INHBC: variants seen among roughly 807,000 people sequenced by gnomAD.
INHBC encodes inhibin subunit beta C, also known as inhibin beta C chain.
INHBC carries 10 observed loss-of-function variants against 12.4 expected under a neutral mutation model. That is an observed-to-expected ratio of 0.81 (90% CI 0.50 to 1.37). INHBC has a LOEUF of 1.37. INHBC is among the 40% of genes most tolerant of loss of function. The pLI, the probability that INHBC is intolerant of heterozygous loss-of-function variation, is 0.00. For synonymous variants in INHBC, 147 were observed against 171.6 expected, an observed-to-expected ratio of 0.86 and a Z score of 1.12; for missense variants, 382 against 439.4, an observed-to-expected ratio of 0.87 and a Z score of 1.17.
chr12:57,450,774 C>CTACACTA lies in INHBC; in HGVS notation c.*753_*759dup, dbSNP rs1343482841. ...GTGTAACTGTGGCTATTCTGTGTCC[C>CTACACTA]TACACTACCTGGCTACCCCCTTCCA... On this transcript the variant is annotated 3_prime_UTR_variant, in exon 2 of 2. Coordinates refer to ENST00000309668, the MANE Select transcript of INHBC (RefSeq NM_005538.4). The CTACACTA allele has an allele frequency of 6.6e-6, 1 of 152,484 alleles. No homozygotes were observed. Among genetic ancestry groups the CTACACTA allele is most frequent in the African/African-American group, 2.4e-5 (1 of 41,386 alleles). 9.4% of individuals were successfully genotyped at this position (152,484 alleles called of 1,614,324 possible). A position where few individuals can be genotyped will look rare whatever the true frequency, so the allele number is the denominator to read the frequency against.
At chr12:57,442,403 G>A (rs932285339) in intron 1 of INHBC, among the ~76,000 whole-genome samples, 16 of 152,202 alleles carry the variant, frequency 1.1e-4, no homozygotes, top group Non-Finnish European at 2.4e-4. Flanking sequence ...TGCCATAACT[G>A]GAGTGACTTA....
chr12:57,438,829 C>A (rs549168379), intron 1 of INHBC, among the ~76,000 whole-genome samples: 33 of 152,300 alleles, frequency 2.2e-4, no homozygotes, highest in African/African-American at 7.7e-4. Flanking sequence ...AATTTCATCC[C>A]TTTATGGCAT....
intron 1 of INHBC, among the ~76,000 whole-genome samples, chr12:57,442,989 C>T (rs1449216301): frequency 9.5e-5 from 13 of 137,184 alleles, no homozygotes; most frequent in Non-Finnish European, 1.7e-4. Flanking sequence ...GAGACTCCGT[C>T]TCAAAAAAAA....
At chr12:57,436,719 T>A (rs1209999623) in intron 1 of INHBC, among the ~76,000 whole-genome samples, 1 of 151,742 alleles carries the variant, frequency 6.6e-6, no homozygotes, top group African/African-American at 2.4e-5. Context: ...CAGGCTGGAG[T>A]GCAGTGGCGC....
At chr12:57,436,305 C>CA (rs1870335890) in intron 1 of INHBC, among the ~76,000 whole-genome samples, 1 of 151,024 alleles carries the variant, frequency 6.6e-6, no homozygotes, top group Non-Finnish European at 1.5e-5. Context: ...GCTGGGACTA[C>CA]AGGCGTGTGT....
intron 1 of INHBC, among the ~76,000 whole-genome samples, chr12:57,438,698 G>T (rs1870399739): frequency 6.6e-6 from 1 of 152,198 alleles, no homozygotes; most frequent in African/African-American, 2.4e-5. Flanking sequence ...AAAGCCATGA[G>T]GTAGTGTTTA....
At chr12:57,442,224 C>T (rs1307452619) in intron 1 of INHBC, among the ~76,000 whole-genome samples, 1 of 152,194 alleles carries the variant, frequency 6.6e-6, no homozygotes, top group Admixed American at 6.5e-5. Flanking sequence ...TGTAAGTACT[C>T]AATAAACACC....
chr12:57,440,599 G>A lies in INHBC; in HGVS notation c.313+5400G>A, dbSNP rs150561939. On this transcript the variant is annotated intron_variant, in intron 1 of 1. Transcript: ENST00000309668. ...GCCCGCCTCAGCCTCCCAAAGTGCT[G>A]GGATTACAGGTGTTAGCCACCGCAC... 1.1e-3 allele frequency among the ~76,000 whole-genome samples: 167 copies of A among 152,094 alleles called. 1 individual carries two copies. The highest frequency in any genetic ancestry group is 3.9e-3 in the African/African-American group (160 of 41,488).
In INHBC at chr12:57,451,956, A is replaced by G. The variant is rs892965772; in HGVS notation, c.*1934A>G. The G allele has an allele frequency of 1.2e-5, 5 of 415,312 alleles. No homozygotes were observed. Among genetic ancestry groups the G allele is most frequent in the Admixed American group, 3.0e-5 (1 of 32,994 alleles). 25.7% of individuals were successfully genotyped at this position (415,312 alleles called of 1,614,324 possible). A position where few individuals can be genotyped will look rare whatever the true frequency, so the allele number is the denominator to read the frequency against. On this transcript the variant is annotated 3_prime_UTR_variant, in exon 2 of 2. Coordinates refer to ENST00000309668, the MANE Select transcript of INHBC (RefSeq NM_005538.4). ...TTAAGGGGGTGGTGAACAATTTATT[A>G]ATCAAGATAGGACTTTAATGCAATA...
intron 1 of INHBC, among the ~76,000 whole-genome samples, chr12:57,441,058 CAAA>C (rs541011527): frequency 1.3e-5 from 2 of 151,978 alleles, no homozygotes; most frequent in African/African-American, 4.8e-5. Flanking sequence ...AACAAACAAA[CAAA>C]CAAAACAAAA....
At position 57,440,332 on chromosome 12, in the gene INHBC, C is replaced by CTTTTTT. The variant is rs34888207; in HGVS notation, c.313+5147_313+5152dup. Among the ~76,000 whole-genome samples the CTTTTTT allele has an allele frequency of 1.4e-4, 16 of 117,440 alleles. 1 individual carries two copies. The highest frequency in any genetic ancestry group is 2.2e-4 in the Non-Finnish European group (13 of 58,934). The allele number at this position is 117,440 out of a possible 152,430, so 77.0% of individuals were successfully genotyped here. On this transcript the variant is annotated intron_variant, in intron 1 of 1. Coordinates refer to ENST00000309668, the MANE Select transcript of INHBC (RefSeq NM_005538.4). ...ATTCTGTTTGAAAATTGAACAGTGCCTTTTTTTTTTTTTTTTTTTGAGACG... is the reference window on the plus strand; with the variant it reads ...ATTCTGTTTGAAAATTGAACAGTGCCTTTTTTTTTTTTTTTTTTTTTTTTTGAGACG...
In INHBC at chr12:57,451,699, C is replaced by T. The variant is rs1459012468; in HGVS notation, c.*1677C>T. The T allele has an allele frequency of 2.8e-6, 1 of 351,250 alleles. No homozygotes were observed. The highest frequency in any genetic ancestry group is 8.0e-5 in the East Asian group (1 of 12,522). The allele number at this position is 351,250 out of a possible 1,614,324, so 21.8% of individuals were successfully genotyped here. ...CCTAGAGGAGAAAGTCTGAAAAGGA[C>T]TGCCTGGGGGACTGTAAATCTGAGC... On this transcript the variant is annotated 3_prime_UTR_variant, in exon 2 of 2. Coordinates refer to ENST00000309668, the MANE Select transcript of INHBC (RefSeq NM_005538.4).
At chr12:57,449,253 G>T in intron 1 of INHBC, 24 bp from the exon 2 acceptor site, 1 of 1,592,134 alleles carries the variant, frequency 6.3e-7, no homozygotes, top group South Asian at 1.1e-5. Flanking sequence ...AGGCCGCAAT[G>T]ACTGGGGCTT....
At chr12:57,439,902 CA>C (rs1440923851) in intron 1 of INHBC, among the ~76,000 whole-genome samples, 1 of 152,026 alleles carries the variant, frequency 6.6e-6, no homozygotes, top group Non-Finnish European at 1.5e-5. Flanking sequence ...TGGCTATTTG[CA>C]GCCTCAATAA....
chr12:57,450,092 G>C lies in INHBC; in HGVS notation c.*70G>C. The C allele has an allele frequency of 7.0e-7, 1 of 1,430,430 alleles. No individual in the cohort carries two copies. The highest frequency in any genetic ancestry group is 1.4e-5 in the African/African-American group (1 of 70,386). The allele number at this position is 1,430,430 out of a possible 1,614,324, so 88.6% of individuals were successfully genotyped here. ...CCCCTACAGAAGTGCACTTCCTTGAGAGGAGGGAATGACCTCATTCTCTGT... is the reference window on the plus strand; with the variant it reads ...CCCCTACAGAAGTGCACTTCCTTGACAGGAGGGAATGACCTCATTCTCTGT... On this transcript the variant is annotated 3_prime_UTR_variant, in exon 2 of 2. Transcript: ENST00000309668.
At position 57,447,767 on chromosome 12, in the gene INHBC, CAGG is replaced by C. The variant is rs1870611237; in HGVS notation, c.314-1507_314-1505del. On this transcript the variant is annotated intron_variant, in intron 1 of 1. Transcript: ENST00000309668. Reference sequence around the variant, plus strand: ...GGTGCAGCTACTTGGGAGGCTGAGGCAGGAGAATTGCTTGAACCCGAGAGGCAG... The same window carrying C: ...GGTGCAGCTACTTGGGAGGCTGAGGCAGAATTGCTTGAACCCGAGAGGCAG... Among the ~76,000 whole-genome samples the C allele has an allele frequency of 3.0e-5, 4 of 135,340 alleles. No individual in the cohort carries two copies. The East Asian group carries it at 9.4e-4, about 32-fold the overall frequency. The allele number at this position is 135,340 out of a possible 152,430, so 88.8% of individuals were successfully genotyped here.
Position 57,451,775 on chromosome 12 carries a change from G to A in INHBC, c.*1753G>A. The A allele has an allele frequency of 2.2e-6, 1 of 446,828 alleles. No individual in the cohort carries two copies. Among genetic ancestry groups the A allele is most frequent in the South Asian group, 1.6e-5 (1 of 63,258 alleles). The allele number at this position is 446,828 out of a possible 1,614,324, so 27.7% of individuals were successfully genotyped here. On this transcript the variant is annotated 3_prime_UTR_variant, in exon 2 of 2. Transcript: ENST00000309668. ...GAAGTTATCCCACCTTTGACTTGAG[G>A]AGACCTTCATCTAAGGAGAATCTAA...
intron 1 of INHBC, among the ~76,000 whole-genome samples, chr12:57,440,242 A>G (rs1295233710): frequency 1.3e-5 from 2 of 152,102 alleles, no homozygotes; most frequent in African/African-American, 2.4e-5. Context: ...CTGAAAAATT[A>G]GCAACATAGA....
At chr12:57,446,696 G>A (rs1312702740) in intron 1 of INHBC, among the ~76,000 whole-genome samples, 1 of 151,830 alleles carries the variant, frequency 6.6e-6, no homozygotes, top group African/African-American at 2.4e-5. Flanking sequence ...GTTTTGCCAA[G>A]TTGTCCAGGC....
Sources: allele counts gnomAD v4.1 joint callset (sites outside exome capture counted in the v4.1 genomes callset), GRCh38; gene constraint gnomAD v4.1.1; transcripts MANE v1.5; gene names NCBI Gene and HGNC (gene_info 2026-07-23, HGNC 2026-07-21).